The following GATA6 variants were observed in gnomAD, a reference collection of about 807,000 sequenced individuals.
GATA6 encodes transcription factor GATA-6.
In GATA6, 11 loss-of-function variants were observed where a neutral mutation model predicts 48.1. That is an observed-to-expected ratio of 0.23 (90% CI 0.14 to 0.38). The LOEUF is 0.38. GATA6 is among the 10% of genes least tolerant of loss of function. The pLI, the probability that GATA6 is intolerant of heterozygous loss-of-function variation, is 1.00. For synonymous variants in GATA6, 419 were observed against 396.1 expected (o/e 1.06, Z -0.69); for missense variants, 795 against 850.3 (o/e 0.93, Z 0.81).
Position 22,172,376 on chromosome 18 carries a change from C to A in GATA6, c.1135+97C>A. The A allele has an allele frequency of 6.8e-7, 1 of 1,467,748 alleles. No individual in the cohort carries two copies. The highest frequency in any genetic ancestry group is 9.0e-7 in the Non-Finnish European group (1 of 1,109,670). 90.9% of individuals were successfully genotyped at this position (1,467,748 alleles called of 1,614,324 possible). A position where few individuals can be genotyped will look rare whatever the true frequency, so the allele number is the denominator to read the frequency against. On this transcript the variant is annotated intron_variant, in intron 2 of 6. Coordinates refer to ENST00000269216, the MANE Select transcript of GATA6 (RefSeq NM_005257.6). The surrounding 1 kb of genome is among the most constrained non-coding windows in gnomAD (Gnocchi z 5.2). ...CTCCACTCGGGCCCTGTTTTCAGGA[C>A]TTTCTCGTCCGGGTGCGCGGAGGTC...
rs941759643 is a variant in GATA6 at position 22,171,666 on chromosome 18, C to CGCG, written c.528_530dup (p.Ala183dup). ...CCGGCGGCTTCGTGCACTCTGCGGCCGCGGCGGCAGCAGCCGCGGCGGCGG... is the reference window on the plus strand; with the variant it reads ...CCGGCGGCTTCGTGCACTCTGCGGCCGCGGCGGCGGCAGCAGCCGCGGCGGCGG... On this transcript the variant is annotated inframe_insertion, in exon 2 of 7. Transcript: ENST00000269216. This position sits in a 1 kb window ranked among gnomAD's most constrained non-coding sequence, Gnocchi z 7.1. The CGCG allele has an allele frequency of 6.6e-7, 1 of 1,519,910 alleles. No individual in the cohort carries two copies. Among genetic ancestry groups the CGCG allele is most frequent in the African/African-American group, 1.4e-5 (1 of 69,874 alleles). 94.2% of individuals were successfully genotyped at this position (1,519,910 alleles called of 1,614,324 possible). A position where few individuals can be genotyped will look rare whatever the true frequency, so the allele number is the denominator to read the frequency against.
chr18:22,176,974 C>G lies in GATA6; in HGVS notation c.1155C>G (p.Ser385=). ...GPSADLLEDL[S]ESRECVNCGS... is the part of the protein sequence containing the mutation. ...CCGCAGACCTGCTGGAGGACCTGTC[C>G]GAGAGCCGCGAGTGCGTGAACTGCG... Residue 385 remains serine (S), a synonymous_variant, in exon 3 of 7, where the codon TCC becomes TCG. Coordinates refer to ENST00000269216, the MANE Select transcript of GATA6 (RefSeq NM_005257.6). The G allele has an allele frequency of 6.4e-7, 1 of 1,562,478 alleles. No homozygotes were observed.
At chr18:22,183,127 CAAT>C in intron 6 of GATA6, 84 bp downstream of exon 6, 2 of 1,060,576 alleles carry the variant, frequency 1.9e-6, no homozygotes, top group Non-Finnish European at 1.4e-6. Flanking sequence ...TCTGGTAGTA[CAAT>C]AATCTAAACC....
chr18:22,194,250 T>C (rs971822189), intron 6 of GATA6, among the ~76,000 whole-genome samples: 11 of 152,192 alleles, frequency 7.2e-5, no homozygotes, highest in Admixed American at 4.6e-4. Flanking sequence ...CCGGCCAGCT[T>C]TCAGTGCTAA....
At chr18:22,193,097 ATTTG>A (rs907760341) in intron 6 of GATA6, among the ~76,000 whole-genome samples, 3 of 152,214 alleles carry the variant, frequency 2.0e-5, no homozygotes, top group African/African-American at 7.2e-5. Context: ...CCAGTAAGGA[ATTTG>A]TTTGCCGAAT....
chr18:22,177,786 C>A (rs901544062), intron 3 of GATA6, among the ~76,000 whole-genome samples: 1 of 151,980 alleles, frequency 6.6e-6, no homozygotes, highest in Non-Finnish European at 1.5e-5. Context: ...CAGGTGTATC[C>A]CCAAATACCA....
intron 4 of GATA6, 49 bp downstream of exon 4, chr18:22,181,627 GTATGTGA>G (rs1567998841): frequency 6.2e-7 from 1 of 1,604,702 alleles, no homozygotes; most frequent in Admixed American, 1.7e-5. Flanking sequence ...TATCTGGTTT[GTATGTGA>G]TATCAGTTAC....
chr18:22,175,400 T>A (rs983900438), intron 2 of GATA6: 2 of 152,230 alleles, frequency 1.3e-5, no homozygotes, highest in South Asian at 2.1e-4. Flanking sequence ...TTCCAGGGAA[T>A]GCCCCACTCC....
At chr18:22,181,614 T>C (rs1402421061) in intron 4 of GATA6, 36 bp downstream of exon 4, 1 of 1,612,050 alleles carries the variant, frequency 6.2e-7, no homozygotes. Flanking sequence ...TATATACATT[T>C]AGTATCTGGT....
intron 6 of GATA6, among the ~76,000 whole-genome samples, chr18:22,195,497 T>C (rs2033378981): frequency 6.6e-6 from 1 of 152,232 alleles, no homozygotes; most frequent in South Asian, 2.1e-4. Context: ...TTGTCATTAC[T>C]TTCAATGCCA....
intron 4 of GATA6, 148 bp downstream of exon 4, chr18:22,181,726 TGTACATACTG>T: frequency 1.3e-6 from 1 of 796,042 alleles, no homozygotes; most frequent in Non-Finnish European, 2.1e-6. Flanking sequence ...ATATATTCAG[TGTACATACTG>T]AATATATTTA....
rs139666654 is a variant in GATA6 at position 22,171,206 on chromosome 18, C to A, written c.62C>A (p.Ala21Asp). The A allele has an allele frequency of 3.1e-6, 5 of 1,599,708 alleles. No homozygotes were observed. Among genetic ancestry groups the A allele is most frequent in the Non-Finnish European group, 4.2e-6 (5 of 1,179,550 alleles). The change falls in exon 2 of 7, where the codon GCC becomes GAC. Residue 21 changes from alanine to aspartate, a missense_variant. Coordinates refer to ENST00000269216, the MANE Select transcript of GATA6 (RefSeq NM_005257.6). The surrounding 1 kb of genome is among the most constrained non-coding windows in gnomAD (Gnocchi z 7.1). ...CGCTTCGGGGCCGCGGGTGCGGACG[C>A]CAGCGACTCCAGAGCCTTTCCAGCG... The part of the protein sequence containing the change: ...PKRFGAAGAD[A>D]SDSRAFPARE...
At chr18:22,195,477 AT>A (rs954445016) in intron 6 of GATA6, among the ~76,000 whole-genome samples, 1 of 152,166 alleles carries the variant, frequency 6.6e-6, no homozygotes, top group African/African-American at 2.4e-5. Context: ...TGCAAAAGTA[AT>A]TGTGGGTTTT....
At chr18:22,189,797 T>A (rs909607979) in intron 6 of GATA6, among the ~76,000 whole-genome samples, 1 of 152,208 alleles carries the variant, frequency 6.6e-6, no homozygotes, top group East Asian at 1.9e-4. Flanking sequence ...CACTCACTTA[T>A]AAGATAGTGA....
intron 6 of GATA6, among the ~76,000 whole-genome samples, chr18:22,192,941 C>T (rs1370582988): frequency 1.3e-5 from 2 of 152,054 alleles, no homozygotes; most frequent in African/African-American, 2.4e-5. Flanking sequence ...CTCTTTTGTC[C>T]AGAATAGATT....
rs911752926 is a variant in GATA6, at chr18:22,171,919, G to A, written c.775G>A (p.Val259Ile). ...PGGAGSAAAH[V>I]SARFPYSPSP... ...CGGCGCTGGCTCAGCCGCGGCGCAC[G>A]TCTCGGCGCGCTTCCCCTACTCTCC... The change falls in exon 2 of 7, where the codon GTC becomes ATC. Residue 259 changes from valine to isoleucine, a missense_variant. Coordinates refer to ENST00000269216, the MANE Select transcript of GATA6 (RefSeq NM_005257.6). The surrounding 1 kb of genome is among the most constrained non-coding windows in gnomAD (Gnocchi z 7.1). 6.6e-5 allele frequency: 78 copies of A among 1,175,990 alleles called. 2 individuals are homozygous for A. In the South Asian group the frequency reaches 1.5e-3, roughly 23 times the overall value. The allele number at this position is 1,175,990 out of a possible 1,614,324, so 72.8% of individuals were successfully genotyped here.
chr18:22,182,750 T>A lies in GATA6; in HGVS notation c.1429-7T>A. On this transcript the variant is annotated splice_region_variant and splice_polypyrimidine_tract_variant and intron_variant, in intron 4 of 6. Transcript: ENST00000269216. The stretch of plus-strand genomic sequence containing the variant: ...TTAAATTTATGGCCTATGTGAAAAT[T>A]TTTTAGGTGCCCAGACCACTTGCTA... 6.2e-7 allele frequency: 1 copy of A among 1,610,252 alleles called. No homozygotes were observed. The highest frequency in any genetic ancestry group is 8.5e-7 in the Non-Finnish European group (1 of 1,177,400).
chr18:22,171,850 G>T lies in GATA6; in HGVS notation c.706G>T (p.Gly236Cys), dbSNP rs904551659. ...GGCCTCGGCCGACAGCCCTCCATAC[G>T]GCAGCGGAGGCGGCGCGGCTGGCGG... is the stretch of plus-strand genomic sequence containing the variant. ...PQASADSPPY[G>C]SGGGAAGGGA... is the part of the protein sequence containing the mutation. The change falls in exon 2 of 7, where the codon GGC becomes TGC. Residue 236 changes from glycine to cysteine, a missense_variant. Around this residue, in one of 5 missense-constraint regions of GATA6, gnomAD observed 591 missense variants for 570.0 expected, o/e 1.04. Transcript: ENST00000269216. This position sits in a 1 kb window ranked among gnomAD's most constrained non-coding sequence, Gnocchi z 7.1. The T allele has an allele frequency of 2.1e-5, 25 of 1,191,990 alleles. No homozygotes were observed. Among genetic ancestry groups the T allele is most frequent in the African/African-American group, 1.4e-4 (9 of 62,354 alleles). The allele number at this position is 1,191,990 out of a possible 1,614,324, so 73.8% of individuals were successfully genotyped here.
chr18:22,182,205 G>A (rs2033206057), intron 4 of GATA6, among the ~76,000 whole-genome samples: 1 of 152,096 alleles, frequency 6.6e-6, no homozygotes, highest in Admixed American at 6.5e-5. Flanking sequence ...AACAATAAAC[G>A]TTAAGTTGAA....
Sources: allele counts gnomAD v4.1 joint callset (sites outside exome capture counted in the v4.1 genomes callset), GRCh38; gene constraint gnomAD v4.1.1; regional missense constraint gnomAD v4.1.1; non-coding constraint Gnocchi (gnomAD v3.1); transcripts MANE v1.5; gene names NCBI Gene and HGNC (gene_info 2026-07-23, HGNC 2026-07-21).